The following HMCN1 variants were observed in gnomAD, a reference collection of about 807,000 sequenced individuals.
HMCN1 encodes hemicentin-1.
Under a neutral mutation model 625.9 loss-of-function variants are expected in HMCN1, and 321 were observed. The observed-to-expected ratio is 0.51, with a 90% CI of 0.47 to 0.56. The LOEUF is 0.56. Among genes scored for constraint, HMCN1 ranks in the 20% least tolerant of loss-of-function variants. The pLI, the probability that HMCN1 is intolerant of heterozygous loss-of-function variation, is 0.00. For missense variants in HMCN1, 6,588 were observed against 6,887.3 expected (o/e 0.96, Z 1.54); for synonymous variants, 2,425 against 2,417.6 (o/e 1.00, Z -0.09).
chr1:185,988,225 T>A (rs1652141976), intron 20 of HMCN1, among the ~76,000 whole-genome samples: 2 of 152,220 alleles, frequency 1.3e-5, no homozygotes, highest in Non-Finnish European at 2.9e-5. Context: ...CACAAACTAA[T>A]TTATTCCCCT....
At chr1:185,743,514 A>G (rs533438981) in intron 1 of HMCN1, among the ~76,000 whole-genome samples, 2 of 152,356 alleles carry the variant, frequency 1.3e-5, no homozygotes, top group South Asian at 2.1e-4. Flanking sequence ...GCTATAAGGC[A>G]GTCTGCCTAC....
In HMCN1 at chr1:186,030,946, T is replaced by C. The variant is rs199739997; in HGVS notation, c.5750-6988T>C. Among the ~76,000 whole-genome samples, 18 of 152,108 alleles carry C rather than the reference T, an allele frequency of 1.2e-4. No individual in the cohort carries two copies. In the East Asian group the frequency reaches 2.1e-3, roughly 18 times the overall value. ...CTTAATTAGCTCTCTTTTTCCCCTC[T>C]TTTGTGCTATTATTGTTAAACGAAT... On this transcript the variant is annotated intron_variant, in intron 36 of 106. Coordinates refer to ENST00000271588, the MANE Select transcript of HMCN1 (RefSeq NM_031935.3).
At chr1:185,753,996 A>G (rs186602517) in intron 1 of HMCN1, among the ~76,000 whole-genome samples, 11 of 152,350 alleles carry the variant, frequency 7.2e-5, no homozygotes, top group Admixed American at 3.3e-4. Context: ...GTTATTCACA[A>G]TAGCCAAGAT....
chr1:185,940,600 A>G (rs1360917415), intron 11 of HMCN1, among the ~76,000 whole-genome samples: 1 of 152,234 alleles, frequency 6.6e-6, no homozygotes, highest in Non-Finnish European at 1.5e-5. Flanking sequence ...TTCAAAGAAT[A>G]TTATAGCACA....
chr1:186,063,103 T>TATATATAA (rs1657859128), intron 48 of HMCN1, among the ~76,000 whole-genome samples: 1 of 130,054 alleles, frequency 7.7e-6, no homozygotes, highest in African/African-American at 2.9e-5. Flanking sequence ...TATATATATA[T>TATATATAA]CACATTTTCA....
intron 1 of HMCN1, among the ~76,000 whole-genome samples, chr1:185,746,847 T>A (rs552067976): frequency 1.3e-5 from 2 of 152,218 alleles, no homozygotes; most frequent in Admixed American, 6.5e-5. Flanking sequence ...CCTCAGGCCA[T>A]CTGCCCACCT....
At chr1:185,798,104 T>C (rs1240340186) in intron 1 of HMCN1, among the ~76,000 whole-genome samples, 5 of 152,152 alleles carry the variant, frequency 3.3e-5, no homozygotes, top group African/African-American at 1.2e-4. Flanking sequence ...CTGGTGGTGA[T>C]GAGTTTCTTT....
At chr1:186,063,237 A>G (rs1657869470) in intron 48 of HMCN1, among the ~76,000 whole-genome samples, 1 of 151,394 alleles carries the variant, frequency 6.6e-6, no homozygotes, top group Non-Finnish European at 1.5e-5. Flanking sequence ...TTGGGTAGAT[A>G]TTGAGTCCCA....
chr1:186,015,091 A>G, intron 30 of HMCN1, 68 bp from the exon 31 acceptor site: 3 of 1,340,816 alleles, frequency 2.2e-6, no homozygotes, highest in Non-Finnish European at 3.2e-6. Flanking sequence ...AAACATCTAT[A>G]GCATTTAAGA....
At chr1:185,884,950 A>G (rs1218048468) in intron 4 of HMCN1, among the ~76,000 whole-genome samples, 2 of 152,194 alleles carry the variant, frequency 1.3e-5, no homozygotes, top group East Asian at 3.9e-4. Flanking sequence ...GTAAAATAGT[A>G]TAGTTACAAA....
intron 68 of HMCN1, 44 bp downstream of exon 68, chr1:186,095,565 T>C (rs1306175076): frequency 1.3e-6 from 2 of 1,575,006 alleles, no homozygotes; most frequent in South Asian, 1.1e-5. Flanking sequence ...GGAAAGTAAG[T>C]GATAGTGAAT....
intron 64 of HMCN1, among the ~76,000 whole-genome samples, chr1:186,091,247 C>A (rs1358412253): frequency 6.6e-6 from 1 of 151,872 alleles, no homozygotes; most frequent in African/African-American, 2.4e-5. Flanking sequence ...AAAGCCCATG[C>A]CATAAAAATA....
At chr1:185,824,487 C>G (rs1234146153) in intron 1 of HMCN1, among the ~76,000 whole-genome samples, 1 of 152,142 alleles carries the variant, frequency 6.6e-6, no homozygotes, top group African/African-American at 2.4e-5. Flanking sequence ...GCAAGCTACA[C>G]AATGCCTTCT....
intron 2 of HMCN1, among the ~76,000 whole-genome samples, chr1:185,852,577 TACACACACACACACACACACAC>T (rs67719442): frequency 6.6e-5 from 9 of 135,514 alleles, no homozygotes; most frequent in Non-Finnish European, 1.1e-4. Context: ...ACAAATATCC[TACACACACACACACACACACAC>T]ACACACACAC....
intron 4 of HMCN1, among the ~76,000 whole-genome samples, chr1:185,868,198 C>T (rs921633588): frequency 6.6e-6 from 1 of 152,054 alleles, no homozygotes; most frequent in Non-Finnish European, 1.5e-5. Flanking sequence ...GAATGTGACT[C>T]CATTTATATC....
At chr1:186,135,535 A>G (rs1275893857) in intron 86 of HMCN1, among the ~76,000 whole-genome samples, 1 of 152,178 alleles carries the variant, frequency 6.6e-6, no homozygotes, top group African/African-American at 2.4e-5. Context: ...ACATCGCTAT[A>G]TGAATGTCTT....
intron 17 of HMCN1, among the ~76,000 whole-genome samples, chr1:185,981,769 A>G (rs1651656695): frequency 6.6e-6 from 1 of 152,170 alleles, no homozygotes; most frequent in African/African-American, 2.4e-5. Context: ...AGAGAAGGGC[A>G]TATTTACAAT....
chr1:186,119,122 G>C, intron 77 of HMCN1, 69 bp from the exon 78 acceptor site: 1 of 1,118,752 alleles, frequency 8.9e-7, no homozygotes, highest in South Asian at 1.3e-5. Flanking sequence ...ACACAAAAGA[G>C]AGTCAAATTT....
At chr1:185,848,206 A>G (rs1661954232) in intron 2 of HMCN1, among the ~76,000 whole-genome samples, 1 of 152,014 alleles carries the variant, frequency 6.6e-6, no homozygotes, top group South Asian at 2.1e-4. Flanking sequence ...TCTTCAATCT[A>G]TTTCAATCTA....
Sources: allele counts gnomAD v4.1 joint callset (sites outside exome capture counted in the v4.1 genomes callset), GRCh38; gene constraint gnomAD v4.1.1; transcripts MANE v1.5; gene names NCBI Gene and HGNC (gene_info 2026-07-23, HGNC 2026-07-21).